Variants in SPON2 observed in about 807,000 individuals in gnomAD.
SPON2 encodes spondin 2.
In SPON2, 32 loss-of-function variants were observed where a neutral mutation model predicts 29.9. The ratio of observed to expected loss-of-function variants is 1.07; its 90% confidence interval spans 0.81 to 1.44. SPON2 has a LOEUF of 1.44. Ranked by LOEUF, SPON2 falls within the 40% of genes most tolerant of loss-of-function variation. SPON2 has a pLI of 0.00. For synonymous variants in SPON2, 248 were observed against 209.1 expected, an observed-to-expected ratio of 1.19 and a Z score of -1.61; for missense variants, 541 against 455.5, an observed-to-expected ratio of 1.19 and a Z score of -1.71.
upstream of SPON2, among the ~76,000 whole-genome samples, chr4:1,178,016 A>C (rs558877413): frequency 7.2e-5 from 11 of 152,278 alleles, no homozygotes; most frequent in African/African-American, 2.6e-4. Context: ...ACGGACATGT[A>C]CCAAGGGCCT....
chr4:1,201,919 T>C (rs549997859), intron 1 of SPON2, among the ~76,000 whole-genome samples: 8 of 152,290 alleles, frequency 5.3e-5, no homozygotes, highest in African/African-American at 1.9e-4. Flanking sequence ...CCACAGTGCT[T>C]CACCTGGCTC....
intron 1 of SPON2, among the ~76,000 whole-genome samples, chr4:1,200,275 G>A (rs1039172472): frequency 1.3e-5 from 2 of 152,182 alleles, no homozygotes; most frequent in African/African-American, 2.4e-5. Flanking sequence ...CACCCCCAGA[G>A]ACCAGGCAGG....
intron 1 of SPON2, among the ~76,000 whole-genome samples, chr4:1,186,063 T>A (rs1284247526): frequency 1.4e-5 from 2 of 145,340 alleles, no homozygotes; most frequent in Non-Finnish European, 3.1e-5. Flanking sequence ...GCTAACACGG[T>A]GAAACCCCAT....
upstream of SPON2, among the ~76,000 whole-genome samples, chr4:1,178,032 C>T (rs372760541): frequency 2.3e-4 from 35 of 152,262 alleles, no homozygotes; most frequent in African/African-American, 7.0e-4. Flanking sequence ...GGCCTCGCTC[C>T]GGCCAGGCAC....
intron 2 of SPON2, 96 bp from the exon 3 acceptor site, chr4:1,171,582 C>G: frequency 7.8e-7 from 1 of 1,277,170 alleles, no homozygotes; most frequent in Non-Finnish European, 1.1e-6. Flanking sequence ...CCCCGCCGCC[C>G]GCAGGGAACC....
upstream of SPON2, among the ~76,000 whole-genome samples, chr4:1,175,831 G>A (rs989176465): frequency 6.6e-6 from 1 of 152,106 alleles, no homozygotes; most frequent in East Asian, 1.9e-4. Context: ...GTGGTAGACC[G>A]AGGCCTTGGA....
In SPON2 at chr4:1,186,039, T is replaced by C. The variant is rs934194182; in HGVS notation, c.-238-6498A>G. Among the ~76,000 whole-genome samples, 3 of 150,086 alleles carry C rather than the reference T, an allele frequency of 2.0e-5. No individual in the cohort carries two copies. In the East Asian group the frequency reaches 6.0e-4, roughly 30 times the overall value. ...GCGGGCGGATCACGAGGTCAGGAGA[T>C]CGAGACCATCCTGGCTAACACGGTG... On this transcript the variant is annotated intron_variant, in intron 1 of 3. Coordinates refer to the SPON2 transcript ENST00000502483.
At chr4:1,177,972 C>T (rs1168077615), upstream of SPON2, among the ~76,000 whole-genome samples, 1 of 152,248 alleles carries the variant, frequency 6.6e-6, no homozygotes, top group Non-Finnish European at 1.5e-5. Context: ...TGTTTGCCAG[C>T]CCACCCAGAC....
chr4:1,184,452 G>A (rs141270563), intron 1 of SPON2, among the ~76,000 whole-genome samples: 1 of 152,150 alleles, frequency 6.6e-6, no homozygotes, highest in East Asian at 1.9e-4. Context: ...AAAACCGAAA[G>A]AGAGCAGCAG....
chr4:1,197,166 A>T (rs1167099833), upstream of SPON2: 1 of 152,198 alleles, frequency 6.6e-6, no homozygotes, highest in African/African-American at 2.4e-5. Flanking sequence ...ACAGATCAAT[A>T]TGGATGGTCA....
chr4:1,198,642 G>A (rs192618411), upstream of SPON2, among the ~76,000 whole-genome samples: 42 of 152,144 alleles, frequency 2.8e-4, 1 homozygote, highest in East Asian at 1.7e-3. Context: ...CTACACAAGA[G>A]AACAGCAAAT....
At chr4:1,196,524 C>T (rs539072117), upstream of SPON2, among the ~76,000 whole-genome samples, 2 of 152,276 alleles carry the variant, frequency 1.3e-5, no homozygotes, top group African/African-American at 4.8e-5. Flanking sequence ...GGGTTACTCC[C>T]GAGACTCAGA....
chr4:1,195,507 C>T (rs939159017), upstream of SPON2, among the ~76,000 whole-genome samples: 5 of 152,012 alleles, frequency 3.3e-5, no homozygotes, highest in Non-Finnish European at 7.4e-5. Flanking sequence ...CCTCTCCAGG[C>T]ACAGCTCGAG....
chr4:1,194,168 C>G (rs1342278970), intron 1 of SPON2, among the ~76,000 whole-genome samples: 1 of 152,116 alleles, frequency 6.6e-6, no homozygotes, highest in Non-Finnish European at 1.5e-5. Flanking sequence ...GAGACACCCT[C>G]CGGCCGGCCT....
At chr4:1,175,024 G>A (rs1007841299), upstream of SPON2, among the ~76,000 whole-genome samples, 2 of 152,190 alleles carry the variant, frequency 1.3e-5, no homozygotes, top group Non-Finnish European at 2.9e-5. Context: ...GGCCCTCCAC[G>A]AGTCCCCAGA....
upstream of SPON2, among the ~76,000 whole-genome samples, chr4:1,175,389 C>A (rs989575626): frequency 6.6e-6 from 1 of 152,268 alleles, no homozygotes; most frequent in Non-Finnish European, 1.5e-5. Context: ...AGCCCAGGGG[C>A]AGCAGGAGCT....
chr4:1,208,698 T>G (rs896734603), upstream of SPON2: 3 of 152,254 alleles, frequency 2.0e-5, no homozygotes, highest in African/African-American at 7.2e-5. Context: ...CTGGCCACGG[T>G]GCCAACGCGT....
intron 2 of SPON2, 25 bp downstream of exon 2, chr4:1,171,827 G>C: frequency 2.6e-6 from 4 of 1,555,002 alleles, no homozygotes; most frequent in Non-Finnish European, 3.5e-6. Context: ...GGTGGAGCAG[G>C]AGGCGAGGAG....
upstream of SPON2, among the ~76,000 whole-genome samples, chr4:1,197,503 T>A (rs1728095635): frequency 6.6e-6 from 1 of 152,118 alleles, no homozygotes; most frequent in African/African-American, 2.4e-5. Flanking sequence ...TATCGAGGAC[T>A]CAGCTAATGC....
Sources: gnomAD v4.1 joint callset for allele counts (sites outside exome capture counted in the v4.1 genomes callset) on GRCh38, gnomAD v4.1.1 for gene constraint, MANE v1.5 for transcripts, NCBI Gene and HGNC (gene_info 2026-07-23, HGNC 2026-07-21) for gene names.